The following ASTN2 variants were observed in gnomAD, a reference collection of about 807,000 sequenced individuals.
ASTN2 encodes astrotactin-2.
Under a neutral mutation model 139.8 loss-of-function variants are expected in ASTN2, and 54 were observed. The observed-to-expected ratio is 0.39, with a 90% CI of 0.31 to 0.48. The LOEUF (loss-of-function observed/expected upper bound fraction) is 0.48. Among genes scored for constraint, ASTN2 ranks in the 20% least tolerant of loss-of-function variants. ASTN2 has a pLI of 0.95. For missense variants in ASTN2, 1,565 were observed against 1,725.1 expected (o/e 0.91, Z 1.64); for synonymous variants, 756 against 719.5 (o/e 1.05, Z -0.81).
intron 4 of ASTN2, among the ~76,000 whole-genome samples, chr9:117,136,002 C>A (rs759852635): frequency 1.1e-4 from 16 of 152,264 alleles, no homozygotes; most frequent in Admixed American, 7.8e-4. Context: ...GTGATGGCAA[C>A]TTTTAATCCC....
chr9:116,653,954 T>C (rs558688683), intron 16 of ASTN2, among the ~76,000 whole-genome samples: 9 of 152,118 alleles, frequency 5.9e-5, no homozygotes, highest in Non-Finnish European at 1.0e-4. Flanking sequence ...AAAACAAGGG[T>C]GTAAAGAAGG....
At chr9:117,391,159 G>A (rs551897707) in intron 1 of ASTN2, among the ~76,000 whole-genome samples, 9 of 152,292 alleles carry the variant, frequency 5.9e-5, no homozygotes, top group East Asian at 5.8e-4. Flanking sequence ...GTAAGGATAC[G>A]GAGGGCCAAC....
At chr9:116,569,076 T>A (rs913438431) in intron 19 of ASTN2, 1 of 152,268 alleles carries the variant, frequency 6.6e-6, no homozygotes, top group Non-Finnish European at 1.5e-5. Context: ...ATTCTTCTTC[T>A]AGGCACCTGA....
chr9:116,749,198 C>A (rs1047866511), intron 13 of ASTN2, among the ~76,000 whole-genome samples: 65 of 152,194 alleles, frequency 4.3e-4, no homozygotes, highest in Admixed American at 3.9e-3. Context: ...CTGAAAATAG[C>A]AGGCTCTCAA....
chr9:116,811,208 C>G (rs1831157745), intron 12 of ASTN2, among the ~76,000 whole-genome samples: 1 of 151,460 alleles, frequency 6.6e-6, no homozygotes, highest in Non-Finnish European at 1.5e-5. Flanking sequence ...TTTTATAATT[C>G]TTTTTATGGC....
intron 11 of ASTN2, among the ~76,000 whole-genome samples, chr9:116,847,007 C>CAAAAAAAAAAA (rs11302692): frequency 2.6e-5 from 2 of 75,874 alleles, no homozygotes; most frequent in African/African-American, 4.9e-5. Flanking sequence ...GCTTCATTCT[C>CAAAAAAAAAAA]AAAAAAAAAA....
chr9:116,435,401 A>G (rs1182893265), intron 22 of ASTN2, among the ~76,000 whole-genome samples: 4 of 152,214 alleles, frequency 2.6e-5, no homozygotes, highest in Admixed American at 1.3e-4. Context: ...TAAAACATTT[A>G]TATGGCTTCT....
rs1465600003 is a variant in ASTN2 at position 117,060,480 on chromosome 9, G to T, written c.1277-20515C>A. 6.2e-4 allele frequency among the ~76,000 whole-genome samples: 52 copies of T among 83,428 alleles called. 6 individuals are homozygous for T. The highest frequency in any genetic ancestry group is 3.0e-3 in the African/African-American group (49 of 16,228). 54.7% of individuals were successfully genotyped at this position (83,428 alleles called of 152,430 possible). A position where few individuals can be genotyped will look rare whatever the true frequency, so the allele number is the denominator to read the frequency against. On this transcript the variant is annotated intron_variant, in intron 5 of 22. Transcript: ENST00000313400. ...AGAAAGGAAGGAAGGAAGGAAGGAAGGAAGGAATGAAAGAAAGAAAGAAAG... is the reference window on the plus strand; with the variant it reads ...AGAAAGGAAGGAAGGAAGGAAGGAATGAAGGAATGAAAGAAAGAAAGAAAG...
intron 13 of ASTN2, among the ~76,000 whole-genome samples, chr9:116,804,879 C>T (rs1047610949): frequency 6.2e-5 from 9 of 146,240 alleles, no homozygotes; most frequent in Admixed American, 4.1e-4. Context: ...GATAATCCTT[C>T]TCCATACATA....
intron 3 of ASTN2, among the ~76,000 whole-genome samples, chr9:117,212,863 A>G (rs1482905293): frequency 2.0e-5 from 3 of 152,224 alleles, no homozygotes; most frequent in Non-Finnish European, 4.4e-5. Flanking sequence ...GTCACTATAT[A>G]GAACAGTTTG....
At chr9:116,839,548 T>G (rs946664320) in intron 11 of ASTN2, among the ~76,000 whole-genome samples, 4 of 151,866 alleles carry the variant, frequency 2.6e-5, no homozygotes, top group African/African-American at 4.8e-5. Flanking sequence ...GGCACGATCT[T>G]GGCTCACTGC....
Position 117,291,504 on chromosome 9 carries a change from C to A in ASTN2, c.452G>T (p.Gly151Val). The change falls in exon 2 of 23, where the codon GGC becomes GTC. Residue 151 changes from glycine (G) to valine (V), a missense_variant. Coordinates refer to ENST00000313400, the MANE Select transcript of ASTN2 (RefSeq NM_001365068.1). Reference protein sequence around the residue: ...ELPFFTLEMSGTAADISLVHW... With the variant: ...ELPFFTLEMSVTAADISLVHW... The stretch of plus-strand genomic sequence containing the variant: ...CACCAGCGAGATGTCCGCTGCTGTG[C>A]CAGACATCTCTGCAAGACAAGACCC... 6.2e-7 allele frequency: 1 copy of A among 1,602,274 alleles called. No homozygotes were observed.
At chr9:116,912,204 A>G (rs927463944) in intron 10 of ASTN2, among the ~76,000 whole-genome samples, 7 of 152,380 alleles carry the variant, frequency 4.6e-5, no homozygotes, top group Admixed American at 3.3e-4. Flanking sequence ...CTTTGAATCC[A>G]TGCAAACATT....
intron 13 of ASTN2, among the ~76,000 whole-genome samples, chr9:116,757,246 A>AC (rs2132162733): frequency 6.6e-6 from 1 of 152,298 alleles, no homozygotes; most frequent in Non-Finnish European, 1.5e-5. Context: ...ACCAGCACTT[A>AC]CCCGGAGTGC....
chr9:117,068,740 A>G (rs1248973221), intron 5 of ASTN2, among the ~76,000 whole-genome samples: 1 of 120,076 alleles, frequency 8.3e-6, no homozygotes, highest in Admixed American at 8.4e-5. Flanking sequence ...GTCTTGGGAG[A>G]GTGTATGTGT....
chr9:117,249,106 TG>T (rs1276455379), intron 2 of ASTN2, among the ~76,000 whole-genome samples: 1 of 152,220 alleles, frequency 6.6e-6, no homozygotes, highest in African/African-American at 2.4e-5. Flanking sequence ...AAGTCACATT[TG>T]CAAGGGAAGG....
chr9:116,533,064 G>C (rs946148335), intron 19 of ASTN2, among the ~76,000 whole-genome samples: 1 of 152,162 alleles, frequency 6.6e-6, no homozygotes, highest in Non-Finnish European at 1.5e-5. Flanking sequence ...TATCCTTGAA[G>C]AGTTCCTTCA....
chr9:117,414,541 A>G lies in ASTN2; in HGVS notation c.398T>C (p.Val133Ala). Reference sequence around the variant, plus strand: ...CTCGGTGTTGTCCAGGTCGTCCTGCACCGCGATGCGCCCCGGCAGCTCGTT... The same window carrying G: ...CTCGGTGTTGTCCAGGTCGTCCTGCGCCGCGATGCGCCCCGGCAGCTCGTT... ...VRNELPGRIA[V>A]QDDLDNTELP... The change falls in exon 1 of 23, where the codon GTG (valine) becomes GCG (alanine). Residue 133 changes from valine (V) to alanine (A), a missense_variant. Val to Ala is a moderately conservative substitution (Grantham distance 64). Around this residue, in one of 4 missense-constraint regions of ASTN2, gnomAD observed 596 missense variants for 576.8 expected, o/e 1.03. Transcript: ENST00000313400. The surrounding 1 kb of genome is among the most constrained non-coding windows in gnomAD (Gnocchi z 4.2). 6.2e-7 allele frequency: 1 copy of G among 1,606,000 alleles called. No individual in the cohort carries two copies. Among genetic ancestry groups the G allele is most frequent in the Non-Finnish European group, 8.5e-7 (1 of 1,176,918 alleles).
At chr9:117,345,268 C>G (rs1829180668) in intron 1 of ASTN2, among the ~76,000 whole-genome samples, 1 of 152,088 alleles carries the variant, frequency 6.6e-6, no homozygotes, top group Non-Finnish European at 1.5e-5. Context: ...TAGTATGTGT[C>G]AGCCACAGTC....
Sources: gnomAD v4.1 joint callset for allele counts (sites outside exome capture counted in the v4.1 genomes callset) on GRCh38, gnomAD v4.1.1 for gene constraint, gnomAD v4.1.1 regional missense constraint, Gnocchi (gnomAD v3.1) non-coding constraint, MANE v1.5 for transcripts, NCBI Gene and HGNC (gene_info 2026-07-23, HGNC 2026-07-21) for gene names.